The following TNFAIP2 variants were observed in gnomAD, a reference collection of about 807,000 sequenced individuals.
The protein encoded by TNFAIP2 is TNF alpha induced protein 2.
TNFAIP2 carries 47 observed loss-of-function variants against 63.5 expected under a neutral mutation model. The ratio of observed to expected loss-of-function variants is 0.74; its 90% CI spans 0.59 to 0.94. TNFAIP2 has a LOEUF of 0.94. Among genes scored for constraint, TNFAIP2 ranks in the 40% least tolerant of loss-of-function variants. TNFAIP2 has a pLI of 0.00. For missense variants in TNFAIP2, 787 were observed against 850.2 expected, an observed-to-expected ratio of 0.93 and a Z score of 0.92; for synonymous variants, 405 against 390.2, an observed-to-expected ratio of 1.04 and a Z score of -0.45.
chr14:103,135,201 GGAT>G lies in TNFAIP2; in HGVS notation c.1824-16_1824-14del. On this transcript the variant is annotated splice_polypyrimidine_tract_variant and intron_variant, in intron 11 of 11. Coordinates refer to ENST00000560869, the MANE Select transcript of TNFAIP2 (RefSeq NM_006291.4). This position sits in a 1 kb window ranked among gnomAD's most constrained non-coding sequence, Gnocchi z 7.6. ...GTGTGGGTGACAGGCTGGGCTGACA[GGAT>G]GCTCTCTTTGCCAGCAAAGGCCACC... 1 of 1,613,698 alleles carries G rather than the reference GGAT, an allele frequency of 6.2e-7. No individual in the cohort carries two copies. The highest frequency in any genetic ancestry group is 8.5e-7 in the Non-Finnish European group (1 of 1,179,994).
chr14:103,134,541 C>T (rs2088057335), intron 11 of TNFAIP2, among the ~76,000 whole-genome samples: 1 of 146,630 alleles, frequency 6.8e-6, no homozygotes, highest in Admixed American at 6.9e-5. Context: ...TCTACTCATC[C>T]ATCCACCCCT....
intron 11 of TNFAIP2, among the ~76,000 whole-genome samples, chr14:103,134,296 A>C (rs2088050667): frequency 6.6e-6 from 1 of 152,324 alleles, no homozygotes; most frequent in African/African-American, 2.4e-5. Context: ...GGGTCTTGAC[A>C]GGGTTGACCC....
Position 103,133,695 on chromosome 14 carries a change from C to A in TNFAIP2, c.1715C>A (p.Thr572Asn). The change falls in exon 11 of 12, where the codon ACC becomes AAC. Residue 572 changes from threonine to asparagine, a missense_variant. Physicochemically the swap from Thr to Asn is moderately conservative, Grantham distance 65. Around this residue, in one of 3 missense-constraint regions of TNFAIP2, gnomAD observed 523 missense variants for 604.1 expected, o/e 0.87. Transcript: ENST00000560869. ...CCACTCCTGCAGGGCTCCCCGGCGA[C>A]CTGGCTGCAGCCTGCTCTCCCTACG... ...HFCTQHGSPATWLQPALPTLA... is the reference protein window; with the variant it reads ...HFCTQHGSPANWLQPALPTLA... 1 of 1,572,594 alleles carries A rather than the reference C, an allele frequency of 6.4e-7. No homozygotes were observed. Among genetic ancestry groups the A allele is most frequent in the Admixed American group, 1.9e-5 (1 of 52,794 alleles).
chr14:103,130,132 A>ATGGGCACTGC lies in TNFAIP2; in HGVS notation c.1098+8_1098+9insTGGGCACTGC, dbSNP rs1196029737. The ATGGGCACTGC allele has an allele frequency of 6.2e-7, 1 of 1,611,788 alleles. No homozygotes were observed. The highest frequency in any genetic ancestry group is 1.7e-5 in the Admixed American group (1 of 59,884). ...GCCATCGACATCATCCAGGTACTGC[A>ATGGGCACTGC]ATCTGCCCCAGGGCACACGTACCGC... On this transcript the variant is annotated intron_variant, in intron 5 of 11. Transcript: ENST00000560869.
rs1334261977 is a variant in TNFAIP2 at position 103,136,353 on chromosome 14, C to T, written c.*993C>T. The T allele has an allele frequency of 5.8e-6, 1 of 172,996 alleles. No individual in the cohort carries two copies. The highest frequency in any genetic ancestry group is 1.2e-5 in the Non-Finnish European group (1 of 80,044). The allele number at this position is 172,996 out of a possible 1,614,324, so 10.7% of individuals were successfully genotyped here. A position where few individuals can be genotyped will look rare whatever the true frequency, so the allele number is the denominator to read the frequency against. ...AAATCTGGGTGTCGGCAGTCCTGCA[C>T]TCCTTCTGGAGGCTCTAGGGGAGAA... On this transcript the variant is annotated 3_prime_UTR_variant, in exon 12 of 12. Coordinates refer to ENST00000560869, the MANE Select transcript of TNFAIP2 (RefSeq NM_006291.4).
chr14:103,127,733 C>G lies in TNFAIP2; in HGVS notation c.860+104C>G, dbSNP rs188477719. ...TGCCGCCGGCAGCTTTTAGTGAGGT[C>G]GGTGTTTGCAGAGTTTTGGGTCCGA... On this transcript the variant is annotated intron_variant, in intron 3 of 11. Transcript: ENST00000560869. This position sits in a 1 kb window ranked among gnomAD's most constrained non-coding sequence, Gnocchi z 5.1. The G allele has an allele frequency of 8.6e-4, 1,132 of 1,319,978 alleles. 7 individuals carry two copies. In the African/African-American group the frequency reaches 0.015, roughly 18 times the overall value. The allele number at this position is 1,319,978 out of a possible 1,614,324, so 81.8% of individuals were successfully genotyped here.
intron 5 of TNFAIP2, 91 bp from the exon 6 acceptor site, chr14:103,130,224 G>C (rs2087944220): frequency 6.5e-7 from 1 of 1,534,688 alleles, no homozygotes; most frequent in African/African-American, 1.4e-5. Flanking sequence ...CCACCTCGGG[G>C]CACCCCCTCT....
At chr14:103,129,875 G>C (rs2139559070) in intron 4 of TNFAIP2, 21 bp downstream of exon 4, 1 of 1,610,138 alleles carries the variant, frequency 6.2e-7, no homozygotes, top group South Asian at 1.1e-5. Context: ...ACCTGGGCCA[G>C]GGAGGGGCAG....
At chr14:103,133,126 GA>G (rs1308899285) in intron 9 of TNFAIP2, among the ~76,000 whole-genome samples, 1 of 146,376 alleles carries the variant, frequency 6.8e-6, no homozygotes, top group Admixed American at 6.8e-5. Context: ...GAACACACGT[GA>G]AGGCACGAGC....
upstream of TNFAIP2, chr14:103,122,902 G>A: frequency 2.2e-6 from 1 of 449,850 alleles, no homozygotes; most frequent in Non-Finnish European, 4.5e-6. Flanking sequence ...GACGACCGGA[G>A]GGGCTCAAGG....
chr14:103,126,183 G>C, intron 1 of TNFAIP2, 127 bp from the exon 2 acceptor site: 2 of 287,904 alleles, frequency 6.9e-6, no homozygotes, highest in Non-Finnish European at 1.3e-5. Flanking sequence ...GAGATGAGCA[G>C]AGCCCCGGTG....
rs1226909485 is a variant in TNFAIP2 at position 103,126,439 on chromosome 14, G to C, written c.-19G>C. 6.4e-7 allele frequency: 1 copy of C among 1,560,740 alleles called. No individual in the cohort carries two copies. The highest frequency in any genetic ancestry group is 2.0e-5 in the Admixed American group (1 of 49,538). On this transcript the variant is annotated 5_prime_UTR_variant, in exon 2 of 12. Coordinates refer to ENST00000560869, the MANE Select transcript of TNFAIP2 (RefSeq NM_006291.4). Reference sequence around the variant, plus strand: ...CCCAAAAGTTGCAGTCCACATCAGAGGCAGAGTCAGAGGCCTCCATGTCGG... The same window carrying C: ...CCCAAAAGTTGCAGTCCACATCAGACGCAGAGTCAGAGGCCTCCATGTCGG...
chr14:103,126,572 G>C lies in TNFAIP2; in HGVS notation c.115G>C (p.Gly39Arg). 6.4e-7 allele frequency: 1 copy of C among 1,556,866 alleles called. No homozygotes were observed. Reference protein sequence around the residue: ...KKKEKKKKSKGLANVFCVFTK... With the variant: ...KKKEKKKKSKRLANVFCVFTK... ...GAAGGAGAAGAAGAAGAAGTCCAAA[G>C]GCCTGGCCAATGTGTTCTGCGTCTT... The change falls in exon 2 of 12, where the codon GGC becomes CGC. Residue 39 changes from glycine to arginine, a missense_variant. Coordinates refer to ENST00000560869, the MANE Select transcript of TNFAIP2 (RefSeq NM_006291.4).
At chr14:103,123,196 TC>T (rs1403886025), upstream of TNFAIP2, among the ~76,000 whole-genome samples, 1 of 150,992 alleles carries the variant, frequency 6.6e-6, no homozygotes. Context: ...CCCCGTGCCG[TC>T]CCCCGAACTC....
chr14:103,129,998 C>T lies in TNFAIP2; in HGVS notation c.976-4C>T. On this transcript the variant is annotated splice_polypyrimidine_tract_variant and splice_region_variant and intron_variant, in intron 4 of 11. Transcript: ENST00000560869. The stretch of plus-strand genomic sequence containing the variant: ...GCCCCAGTGACCTGCCCCTCCTCCT[C>T]CAGGCCAATGTGAGGGAGTTGATGG... 6.2e-7 allele frequency: 1 copy of T among 1,611,508 alleles called. No homozygotes were observed. Among genetic ancestry groups the T allele is most frequent in the Non-Finnish European group, 8.5e-7 (1 of 1,179,816 alleles).
In TNFAIP2 at chr14:103,131,773, C is replaced by T; in HGVS notation, c.1422+11C>T. 6.2e-7 allele frequency: 1 copy of T among 1,608,046 alleles called. No homozygotes were observed. Among genetic ancestry groups the T allele is most frequent in the South Asian group, 1.1e-5 (1 of 90,896 alleles). ...CATGAGGACCTGAAGGTAGCGGGAG[C>T]CTCTTGCCCTCAGGAGCCCAGTGTT... On this transcript the variant is annotated intron_variant, in intron 8 of 11. Transcript: ENST00000560869. This position sits in a 1 kb window ranked among gnomAD's most constrained non-coding sequence, Gnocchi z 4.0.
chr14:103,125,916 C>A (rs1251408827), intron 1 of TNFAIP2, among the ~76,000 whole-genome samples: 1 of 152,186 alleles, frequency 6.6e-6, no homozygotes, highest in Middle Eastern at 3.2e-3. Flanking sequence ...TCCAAAGGGA[C>A]AGAGCCCATG....
At position 103,127,305 on chromosome 14, in the gene TNFAIP2, C is replaced by A. The variant is rs1320120227; in HGVS notation, c.536C>A (p.Ala179Glu). 6.1e-6 allele frequency: 6 copies of A among 987,502 alleles called. No homozygotes were observed. The highest frequency in any genetic ancestry group is 7.2e-6 in the Non-Finnish European group (6 of 833,158). 61.2% of individuals were successfully genotyped at this position (987,502 alleles called of 1,614,324 possible). ...GCGGGGCCGGGGACCTCGGGGCTGG[C>A]GGCCACGCGCCCGCGGCGCTGGCTG... is the stretch of plus-strand genomic sequence containing the variant. ...AAAGPGTSGL[A>E]ATRPRRWLQL... is the part of the protein sequence containing the mutation. The change falls in exon 3 of 12, where the codon GCG becomes GAG. Residue 179 changes from alanine to glutamate, a missense_variant. Coordinates refer to ENST00000560869, the MANE Select transcript of TNFAIP2 (RefSeq NM_006291.4). This position sits in a 1 kb window ranked among gnomAD's most constrained non-coding sequence, Gnocchi z 5.1.
At position 103,126,390 on chromosome 14, in the gene TNFAIP2, G is replaced by C. The variant is rs2234128; in HGVS notation, c.-68G>C. The C allele has an allele frequency of 2.4e-4, 274 of 1,154,504 alleles. 2 individuals are homozygous for C. In the African/African-American group the frequency reaches 3.8e-3, roughly 16 times the overall value. The allele number at this position is 1,154,504 out of a possible 1,614,324, so 71.5% of individuals were successfully genotyped here. ...CTCTAGAGCCATCAGCCTGTGCCAGGCACCCTCGACTTGCCTAGAGGCCCC... is the reference window on the plus strand; with the variant it reads ...CTCTAGAGCCATCAGCCTGTGCCAGCCACCCTCGACTTGCCTAGAGGCCCC... On this transcript the variant is annotated 5_prime_UTR_variant, in exon 2 of 12. Transcript: ENST00000560869.
Sources: allele counts gnomAD v4.1 joint callset (sites outside exome capture counted in the v4.1 genomes callset), GRCh38; gene constraint gnomAD v4.1.1; regional missense constraint gnomAD v4.1.1; non-coding constraint Gnocchi (gnomAD v3.1); transcripts MANE v1.5; gene names NCBI Gene and HGNC (gene_info 2026-07-23, HGNC 2026-07-21).